Variants in LIPA observed in about 807,000 individuals in gnomAD.
LIPA encodes the protein lipase A, lysosomal acid type, also known as lysosomal acid lipase/cholesteryl ester hydrolase.
A neutral mutation model predicts 40.6 loss-of-function variants in LIPA; 26 were observed. The observed-to-expected ratio is 0.64, with a 90% confidence interval of 0.47 to 0.89. The LOEUF is 0.89. Among genes scored for constraint, LIPA ranks in the 40% least tolerant of loss-of-function variants. The probability of loss-of-function intolerance (pLI) is 0.00; values close to 1 mark genes in which losing one functional copy is unlikely to be tolerated. For synonymous variants in LIPA, 188 were observed against 168.4 expected, an observed-to-expected ratio of 1.12 and a Z score of -0.90; for missense variants, 455 against 479.6, an observed-to-expected ratio of 0.95 and a Z score of 0.48.
intron 2 of LIPA, among the ~76,000 whole-genome samples, chr10:89,358,176 G>A (rs547847006): frequency 3.3e-5 from 5 of 152,224 alleles, no homozygotes; most frequent in Admixed American, 6.5e-5. Flanking sequence ...TAATCTGGCC[G>A]CCTGAGCCAC....
intron 2 of LIPA, among the ~76,000 whole-genome samples, chr10:89,408,136 C>A (rs1327851094): frequency 2.0e-5 from 3 of 152,194 alleles, no homozygotes; most frequent in Non-Finnish European, 4.4e-5. Context: ...CAGGCTCACC[C>A]TTGAAATGCA....
At chr10:89,379,032 G>A (rs1844142122) in intron 2 of LIPA, among the ~76,000 whole-genome samples, 1 of 152,198 alleles carries the variant, frequency 6.6e-6, no homozygotes, top group African/African-American at 2.4e-5. Context: ...ACTCTTTTAG[G>A]CATCCAGGTG....
chr10:89,320,750 G>A (rs1177889055), intron 1 of LIPA, among the ~76,000 whole-genome samples: 2 of 152,156 alleles, frequency 1.3e-5, no homozygotes, highest in Admixed American at 6.6e-5. Context: ...AATAGAGCCT[G>A]CATTGCCAAG....
At chr10:89,393,221 C>G (rs780544495) in intron 2 of LIPA, 1 of 1,289,824 alleles carries the variant, frequency 7.8e-7, no homozygotes, top group South Asian at 1.2e-5. Context: ...AAGCTCACAG[C>G]CTTCCTCCAT....
chr10:89,414,519 TAA>T (rs1362380475), exon 1 of LIPA: 2 of 425,928 alleles, frequency 4.7e-6, no homozygotes, highest in Admixed American at 9.1e-5. Flanking sequence ...GCTCTTCTAT[TAA>T]GTTTCGGTTT....
intron 1 of LIPA, among the ~76,000 whole-genome samples, chr10:89,413,595 C>T (rs112017927): frequency 2.8e-4 from 42 of 151,982 alleles, no homozygotes; most frequent in African/African-American, 9.7e-4. Context: ...GGCAAAACCC[C>T]GCCTCTACAA....
intron 2 of LIPA, chr10:89,383,434 G>A: frequency 6.2e-7 from 1 of 1,614,200 alleles, no homozygotes; most frequent in Non-Finnish European, 8.5e-7. Flanking sequence ...CAGGATCTGG[G>A]AAGAGATTCA....
chr10:89,240,645 A>C (rs1022176937), intron 3 of LIPA, among the ~76,000 whole-genome samples: 11 of 152,198 alleles, frequency 7.2e-5, no homozygotes, highest in African/African-American at 2.7e-4. Flanking sequence ...CCAAGGTCAC[A>C]CAGCCAGTTA....
At chr10:89,382,193 T>C (rs146245570) in intron 2 of LIPA, among the ~76,000 whole-genome samples, 2 of 152,344 alleles carry the variant, frequency 1.3e-5, no homozygotes, top group Admixed American at 6.5e-5. Flanking sequence ...ATAAAAATTG[T>C]TTTTGCTATA....
chr10:89,268,611 C>A (rs1420443750), intron 1 of LIPA, among the ~76,000 whole-genome samples: 1 of 152,144 alleles, frequency 6.6e-6, no homozygotes, highest in East Asian at 1.9e-4. Context: ...TAGTAGAAAT[C>A]TAAATATGTC....
At chr10:89,233,160 CT>C (rs1842862594) in intron 3 of LIPA, among the ~76,000 whole-genome samples, 1 of 152,194 alleles carries the variant, frequency 6.6e-6, no homozygotes, top group Admixed American at 6.5e-5. Context: ...CTTCCATCCC[CT>C]ACTTCAAGCT....
intron 1 of LIPA, among the ~76,000 whole-genome samples, chr10:89,336,064 C>T (rs1254649294): frequency 6.6e-6 from 1 of 151,260 alleles, no homozygotes; most frequent in Non-Finnish European, 1.5e-5. Context: ...TTGCTTGAGA[C>T]CAGGAGTTTG....
Position 89,367,904 on chromosome 10 carries a change from G to A in LIPA, c.61+44887C>T, listed in dbSNP as rs569489941. On this transcript the variant is annotated intron_variant, in intron 2 of 8. Transcript: ENST00000371837. Reference sequence around the variant, plus strand: ...CATGATCATAGCTCGATGCAGCCTCGAACTCTTGGGTTCAAGCAATCGTTC... The same window carrying A: ...CATGATCATAGCTCGATGCAGCCTCAAACTCTTGGGTTCAAGCAATCGTTC... Among the ~76,000 whole-genome samples, 11 of 152,082 alleles carry A rather than the reference G, an allele frequency of 7.2e-5. No individual in the cohort carries two copies. The East Asian group carries it at 2.1e-3, about 29-fold the overall frequency.
At chr10:89,359,375 T>G (rs968552475) in intron 2 of LIPA, among the ~76,000 whole-genome samples, 1 of 152,232 alleles carries the variant, frequency 6.6e-6, no homozygotes, top group Non-Finnish European at 1.5e-5. Context: ...ATTTGAGGAA[T>G]AGGATATTGG....
chr10:89,272,141 T>TA (rs1843268954), intron 1 of LIPA, among the ~76,000 whole-genome samples: 1 of 152,204 alleles, frequency 6.6e-6, no homozygotes, highest in Admixed American at 6.5e-5. Context: ...TCAGGTTTGT[T>TA]ACATAGGTAA....
intron 2 of LIPA, among the ~76,000 whole-genome samples, chr10:89,375,607 CT>C (rs1388740239): frequency 6.6e-6 from 1 of 152,192 alleles, no homozygotes. Context: ...CCTTGGTTTG[CT>C]CAACCCCAGA....
At chr10:89,282,648 TA>T (rs528370572) in intron 1 of LIPA, among the ~76,000 whole-genome samples, 10 of 145,476 alleles carry the variant, frequency 6.9e-5, no homozygotes, top group Admixed American at 2.0e-4. Context: ...CTCAAAAAAA[TA>T]AAAAAAAAAG....
chr10:89,301,897 A>G, intron 1 of LIPA: 1 of 470,228 alleles, frequency 2.1e-6, no homozygotes, highest in Non-Finnish European at 3.9e-6. Context: ...AGAGTCCTCT[A>G]AAGTATAATA....
At chr10:89,359,815 TCACACACA>T (rs61589202) in intron 2 of LIPA, among the ~76,000 whole-genome samples, 2 of 146,116 alleles carry the variant, frequency 1.4e-5, no homozygotes, top group African/African-American at 2.5e-5. Context: ...TCTCTCTCTC[TCACACACA>T]CACACACACA....
Sources: allele counts gnomAD v4.1 joint callset (sites outside exome capture counted in the v4.1 genomes callset), GRCh38; gene constraint gnomAD v4.1.1; transcripts MANE v1.5; gene names NCBI Gene and HGNC (gene_info 2026-07-23, HGNC 2026-07-21).